The following ANKRD36 variants were observed in gnomAD, a reference collection of about 807,000 sequenced individuals.
ANKRD36 encodes the protein ankyrin repeat domain-containing protein 36A.
ANKRD36 carries 179 observed loss-of-function variants against 278.1 expected under a neutral mutation model. The observed-to-expected ratio is 0.64, with a 90% CI of 0.57 to 0.73. The LOEUF (loss-of-function observed/expected upper bound fraction) is 0.73, where lower values mean the gene tolerates loss of function less well. Among genes scored for constraint, ANKRD36 ranks in the 30% least tolerant of loss-of-function variants. ANKRD36 has a pLI of 0.00. For synonymous variants in ANKRD36, 320 were observed against 641.1 expected, an observed-to-expected ratio of 0.50 and a Z score of 7.57; for missense variants, 1,159 against 1,956.7, an observed-to-expected ratio of 0.59 and a Z score of 7.69.
intron 6 of ANKRD36, among the ~76,000 whole-genome samples, chr2:97,132,962 C>T (rs1332464022): frequency 6.6e-6 from 1 of 152,090 alleles, no homozygotes; most frequent in African/African-American, 2.4e-5. Context: ...CATTCTGTCT[C>T]ACACATATAC....
At chr2:97,174,139 C>T (rs1164018311) in intron 22 of ANKRD36, among the ~76,000 whole-genome samples, 1 of 151,424 alleles carries the variant, frequency 6.6e-6, no homozygotes, top group Non-Finnish European at 1.5e-5. Context: ...TCATAGGAAT[C>T]TGATTACACA....
chr2:97,228,901 A>G (rs1357332877), intron 67 of ANKRD36, among the ~76,000 whole-genome samples: 2 of 151,962 alleles, frequency 1.3e-5, no homozygotes, highest in Non-Finnish European at 2.9e-5. Flanking sequence ...TGTACCCAGT[A>G]GTCATTCAGG....
chr2:97,144,094 A>T (rs2043608732), intron 8 of ANKRD36, among the ~76,000 whole-genome samples: 1 of 152,172 alleles, frequency 6.6e-6, no homozygotes, highest in African/African-American at 2.4e-5. Flanking sequence ...TAAGAGCATG[A>T]TAAATATTTG....
chr2:97,217,943 A>G (rs1233798195), intron 64 of ANKRD36, among the ~76,000 whole-genome samples: 1 of 151,884 alleles, frequency 6.6e-6, no homozygotes, highest in Non-Finnish European at 1.5e-5. Flanking sequence ...TGCATTTTGA[A>G]TATTTGCATA....
intron 22 of ANKRD36, among the ~76,000 whole-genome samples, chr2:97,174,810 A>C (rs1214378002): frequency 6.6e-6 from 1 of 151,816 alleles, no homozygotes; most frequent in Non-Finnish European, 1.5e-5. Flanking sequence ...ATCAATACTG[A>C]ATTTATTGAG....
Position 97,191,141 on chromosome 2 carries a change from C to T in ANKRD36, c.2307C>T (p.Asn769=), listed in dbSNP as rs187556886. The change falls in exon 36 of 76, where the codon AAC becomes AAT. Residue 769 remains asparagine, a synonymous_variant. Transcript: ENST00000420699. ...ATTDEKDSVS[N]IATEIKDGEK... ...CTGATGAGAAAGATTCTGTTTCGAA[C>T]ATAGCCACAGAAATAAAGGATGGAG... The T allele has an allele frequency of 8.1e-5, 129 of 1,598,936 alleles. 2 individuals carry two copies. The East Asian group carries it at 2.8e-3, about 34-fold the overall frequency.
rs772127177 is a variant in ANKRD36 at position 97,142,687 on chromosome 2, C to A, written c.828+19C>A. The A allele has an allele frequency of 6.8e-6, 11 of 1,609,990 alleles. No individual in the cohort carries two copies. Among genetic ancestry groups the A allele is most frequent in the Non-Finnish European group, 9.3e-6 (11 of 1,179,200 alleles). On this transcript the variant is annotated intron_variant, in intron 7 of 75. Transcript: ENST00000420699. ...CTTGAAGGTAATTACACATTCATTT[C>A]TGTTTTGAACTATTAACTATATAGT... is the stretch of plus-strand genomic sequence containing the variant.
intron 36 of ANKRD36, among the ~76,000 whole-genome samples, chr2:97,192,442 G>T (rs1487096553): frequency 6.6e-6 from 1 of 151,334 alleles, no homozygotes; most frequent in Non-Finnish European, 1.5e-5. Flanking sequence ...CATGATGAAC[G>T]TTTGTAGTAT....
At chr2:97,227,324 C>A (rs1049399411) in intron 67 of ANKRD36, among the ~76,000 whole-genome samples, 14 of 152,102 alleles carry the variant, frequency 9.2e-5, no homozygotes, top group African/African-American at 3.1e-4. Context: ...TGTAGTTCTC[C>A]TTGAAGAGGT....
chr2:97,211,282 G>T (rs1263444586), intron 56 of ANKRD36, among the ~76,000 whole-genome samples: 1 of 151,890 alleles, frequency 6.6e-6, no homozygotes, highest in African/African-American at 2.4e-5. Flanking sequence ...TATCGACATT[G>T]ATATTGACAG....
chr2:97,159,446 A>C (rs1402716630), intron 17 of ANKRD36, among the ~76,000 whole-genome samples: 1 of 151,986 alleles, frequency 6.6e-6, no homozygotes, highest in Non-Finnish European at 1.5e-5. Context: ...AAAAATTCTA[A>C]ATGGAAAGAA....
At chr2:97,200,429 T>C (rs2061029004) in intron 45 of ANKRD36, 24 bp from the exon 46 acceptor site, 2 of 1,599,976 alleles carry the variant, frequency 1.3e-6, no homozygotes. Flanking sequence ...CCTTATTTAT[T>C]ACTTTGTTTC....
intron 48 of ANKRD36, among the ~76,000 whole-genome samples, chr2:97,202,626 G>A (rs1280929264): frequency 6.6e-6 from 1 of 151,816 alleles, no homozygotes; most frequent in Non-Finnish European, 1.5e-5. Context: ...TATACATGGA[G>A]AGCAGTTGAA....
In ANKRD36 at chr2:97,116,848, C is replaced by A. The variant is rs1441626815; in HGVS notation, c.198-1216C>A. 2.0e-5 allele frequency among the ~76,000 whole-genome samples: 3 copies of A among 151,926 alleles called. No individual in the cohort carries two copies. The South Asian group carries it at 6.3e-4, about 32-fold the overall frequency. On this transcript the variant is annotated intron_variant, in intron 1 of 75. Coordinates refer to ENST00000420699, the MANE Select transcript of ANKRD36 (RefSeq NM_001354587.1). ...AATTTATAGTTTTTTTCATAATAAA[C>A]TTCCCAACTGTATGTATGCATTCTT...
intron 67 of ANKRD36, among the ~76,000 whole-genome samples, chr2:97,232,908 C>T (rs2072652405): frequency 6.6e-6 from 1 of 151,978 alleles, no homozygotes; most frequent in African/African-American, 2.4e-5. Flanking sequence ...CAAAACACCG[C>T]TAATTGGAAA....
intron 67 of ANKRD36, among the ~76,000 whole-genome samples, chr2:97,229,301 C>T (rs1235565624): frequency 6.6e-6 from 1 of 151,670 alleles, no homozygotes; most frequent in Non-Finnish European, 1.5e-5. Flanking sequence ...TCAGGACTTG[C>T]TTTATGAATC....
rs1447007911 is a variant in ANKRD36 at position 97,123,612 on chromosome 2, A to ATT, written c.593+620_593+621dup. The stretch of plus-strand genomic sequence containing the variant: ...TCAAGGGTGGTTGTGTGTAAGTAAC[A>ATT]TTATATATATATATATATATATATA... On this transcript the variant is annotated intron_variant, in intron 4 of 75. Coordinates refer to ENST00000420699, the MANE Select transcript of ANKRD36 (RefSeq NM_001354587.1). Among the ~76,000 whole-genome samples, 4 of 51,864 alleles carry ATT rather than the reference A, an allele frequency of 7.7e-5. 1 individual carries two copies. The highest frequency in any genetic ancestry group is 3.0e-4 in the South Asian group (1 of 3,350). The allele number at this position is 51,864 out of a possible 152,430, so 34.0% of individuals were successfully genotyped here.
At chr2:97,212,728 A>C (rs1207061381) in intron 58 of ANKRD36, 5 of 156,322 alleles carry the variant, frequency 3.2e-5, no homozygotes, top group Non-Finnish European at 7.0e-5. Flanking sequence ...AATTGATGAT[A>C]TTTTTATTGA....
At chr2:97,129,269 C>G in intron 6 of ANKRD36, among the ~76,000 whole-genome samples, 1 of 152,070 alleles carries the variant, frequency 6.6e-6, no homozygotes, top group Non-Finnish European at 1.5e-5. Flanking sequence ...TAAATGTCTT[C>G]TTTAGAGAAG....
Sources: allele counts gnomAD v4.1 joint callset (sites outside exome capture counted in the v4.1 genomes callset), GRCh38; gene constraint gnomAD v4.1.1; transcripts MANE v1.5; gene names NCBI Gene and HGNC (gene_info 2026-07-23, HGNC 2026-07-21).